Variants in SKA3 observed in about 807,000 individuals in gnomAD.
SKA3 encodes the protein spindle and kinetochore-associated protein 3.
A neutral mutation model predicts 44.2 loss-of-function variants in SKA3; 39 were observed. The ratio of observed to expected loss-of-function variants is 0.88; its 90% CI spans 0.68 to 1.15. SKA3 has a LOEUF of 1.15. Ranked by LOEUF, SKA3 falls within the 50% of genes most tolerant of loss-of-function variation. The probability of loss-of-function intolerance (pLI) is 0.00; values close to 1 mark genes in which losing one functional copy is unlikely to be tolerated. For synonymous variants in SKA3, 192 were observed against 172.0 expected (o/e 1.12, Z -0.91); for missense variants, 511 against 485.8 (o/e 1.05, Z -0.49).
chr13:21,159,792 A>G, intron 6 of SKA3, 110 bp downstream of exon 6: 1 of 608,994 alleles, frequency 1.6e-6, no homozygotes, highest in Non-Finnish European at 2.6e-6. Context: ...ATACATCCCT[A>G]AAAGCTGGAT....
chr13:21,158,202 A>C, intron 6 of SKA3, 77 bp from the exon 7 acceptor site: 2 of 878,238 alleles, frequency 2.3e-6, no homozygotes, highest in Non-Finnish European at 3.2e-6. Context: ...ATCATTTGTT[A>C]CTTCTATTGG....
intron 7 of SKA3, 140 bp from the exon 8 acceptor site, chr13:21,155,951 GC>G (rs1870097544): frequency 1.7e-6 from 1 of 579,544 alleles, no homozygotes; most frequent in African/African-American, 1.9e-5. Flanking sequence ...ACTTTGGGAG[GC>G]CAAGGCAGGT....
Position 21,171,314 on chromosome 13 carries a change from C to T in SKA3, c.331+1025G>A, listed in dbSNP as rs560667438. Among the ~76,000 whole-genome samples the T allele has an allele frequency of 7.2e-5, 11 of 152,238 alleles. No individual in the cohort carries two copies. In the East Asian group the frequency reaches 1.4e-3, roughly 19 times the overall value. ...ACACTGGGCCAGGCGCTGTGGCTCACGCCTGTAGTCCCAGCACTTTGGGAG... is the reference window on the plus strand; with the variant it reads ...ACACTGGGCCAGGCGCTGTGGCTCATGCCTGTAGTCCCAGCACTTTGGGAG... On this transcript the variant is annotated intron_variant, in intron 3 of 8. Transcript: ENST00000314759.
chr13:21,167,778 ACAAAAAAAAAAAC>A (rs1388224418), intron 4 of SKA3, among the ~76,000 whole-genome samples, 197 bp downstream of exon 4: 5 of 151,260 alleles, frequency 3.3e-5, no homozygotes, highest in African/African-American at 1.2e-4. Context: ...AAAAAAAAAA[ACAAAAAAAAAAAC>A]CAAAAAAAAA....
chr13:21,162,938 C>A (rs9552376), intron 4 of SKA3, among the ~76,000 whole-genome samples: 1 of 151,882 alleles, frequency 6.6e-6, no homozygotes, highest in African/African-American at 2.4e-5. Context: ...GCCTCAGCTA[C>A]GCAGCAGGCT....
intron 7 of SKA3, among the ~76,000 whole-genome samples, chr13:21,156,185 T>TAAAAAA (rs35208915): frequency 1.6e-5 from 2 of 128,878 alleles, no homozygotes; most frequent in Non-Finnish European, 1.6e-5. Flanking sequence ...AGACTTGGTC[T>TAAAAAA]AAAAAAAAAA....
chr13:21,161,019 G>C (rs1056035695), intron 5 of SKA3, among the ~76,000 whole-genome samples: 5 of 152,088 alleles, frequency 3.3e-5, no homozygotes, highest in Non-Finnish European at 7.3e-5. Context: ...GCTACGTGGG[G>C]GCTGAGGTGG....
chr13:21,160,462 T>C (rs960098124), intron 5 of SKA3, among the ~76,000 whole-genome samples: 2 of 152,070 alleles, frequency 1.3e-5, no homozygotes, highest in Non-Finnish European at 2.9e-5. Context: ...CATGCATATA[T>C]AGACAATTGC....
At chr13:21,164,993 C>T (rs1470132894) in intron 4 of SKA3, among the ~76,000 whole-genome samples, 4 of 151,952 alleles carry the variant, frequency 2.6e-5, no homozygotes, top group Admixed American at 6.6e-5. Flanking sequence ...TTGCAGTATA[C>T]GCTTTCACTG....
chr13:21,176,233 G>GC, intron 1 of SKA3, 142 bp downstream of exon 1: 1 of 647,622 alleles, frequency 1.5e-6, no homozygotes, highest in Non-Finnish European at 2.5e-6. Flanking sequence ...AGTGAGACGC[G>GC]CAGCACCCGC....
At chr13:21,164,180 A>C (rs1870588140) in intron 4 of SKA3, among the ~76,000 whole-genome samples, 1 of 152,212 alleles carries the variant, frequency 6.6e-6, no homozygotes, top group African/African-American at 2.4e-5. Context: ...ATATATATGC[A>C]CATATATTTA....
chr13:21,156,554 A>G (rs1445487179), intron 7 of SKA3, among the ~76,000 whole-genome samples: 1 of 152,250 alleles, frequency 6.6e-6, no homozygotes, highest in Non-Finnish European at 1.5e-5. Context: ...AGTGGAAACT[A>G]TATAATTTTC....
At chr13:21,171,484 G>A (rs1162419310) in intron 3 of SKA3, among the ~76,000 whole-genome samples, 1 of 151,952 alleles carries the variant, frequency 6.6e-6, no homozygotes, top group Non-Finnish European at 1.5e-5. Flanking sequence ...GGCTGAGGCA[G>A]GAGAATGGCT....
chr13:21,175,160 T>C (rs1871390692), intron 1 of SKA3, among the ~76,000 whole-genome samples: 1 of 151,314 alleles, frequency 6.6e-6, no homozygotes, highest in South Asian at 2.1e-4. Flanking sequence ...GTATTTTTAG[T>C]AGAGACGAGG....
chr13:21,171,007 G>A (rs968384806), intron 3 of SKA3, among the ~76,000 whole-genome samples: 1 of 152,076 alleles, frequency 6.6e-6, no homozygotes, highest in African/African-American at 2.4e-5. Context: ...GCTCACTGTG[G>A]CCTTGAACTC....
At position 21,157,960 on chromosome 13, in the gene SKA3, G is replaced by A; in HGVS notation, c.1081C>T (p.Pro361Ser). 1 of 1,612,464 alleles carries A rather than the reference G, an allele frequency of 6.2e-7. No homozygotes were observed. The highest frequency in any genetic ancestry group is 8.5e-7 in the Non-Finnish European group (1 of 1,178,998). Residue 361 changes from proline (P) to serine (S), a missense_variant, in exon 7 of 9, where the codon CCT (proline) becomes TCT (serine). Pro to Ser is a moderately conservative substitution (Grantham distance 74). Coordinates refer to ENST00000314759, the MANE Select transcript of SKA3 (RefSeq NM_145061.6). The stretch of plus-strand genomic sequence containing the variant: ...TCTGGAATTTTAGTTACTTCCGGAG[G>A]TGTAGGTGTTCTGAGCAGATTCTCA... Reference protein sequence around the residue: ...SYENLLRTPTPPEVTKIPEDI... With the variant: ...SYENLLRTPTSPEVTKIPEDI...
In SKA3 at chr13:21,158,064, T is replaced by C. The variant is rs769967583; in HGVS notation, c.977A>G (p.Asp326Gly). ...TGAATTTAAAACCAACGAAGTACGATCTTCAACTTCCAAATCATTTGATGA... is the reference window on the plus strand; with the variant it reads ...TGAATTTAAAACCAACGAAGTACGACCTTCAACTTCCAAATCATTTGATGA... ...NSSSNDLEVE[D>G]RTSLVLNSDT... Residue 326 changes from aspartate (D) to glycine (G), a missense_variant, in exon 7 of 9, where the codon GAT becomes GGT. Asp to Gly is a moderately conservative substitution (Grantham distance 94, BLOSUM62 -1). Coordinates refer to ENST00000314759, the MANE Select transcript of SKA3 (RefSeq NM_145061.6). The C allele has an allele frequency of 6.2e-7, 1 of 1,613,068 alleles. No homozygotes were observed. Among genetic ancestry groups the C allele is most frequent in the Non-Finnish European group, 8.5e-7 (1 of 1,179,106 alleles).
Position 21,153,765 on chromosome 13 carries a change from C to T in SKA3, c.*1385G>A, listed in dbSNP as rs1869932868. ...ACTCCAGGATTTGGTCCTTGGTACA[C>T]TTTGAATATATTCCCTCCCTAAGCA... is the stretch of plus-strand genomic sequence containing the variant. On this transcript the variant is annotated 3_prime_UTR_variant, in exon 9 of 9. Coordinates refer to ENST00000314759, the MANE Select transcript of SKA3 (RefSeq NM_145061.6). 1 of 152,288 alleles carries T rather than the reference C, an allele frequency of 6.6e-6. No individual in the cohort carries two copies. The highest frequency in any genetic ancestry group is 6.5e-5 in the Admixed American group (1 of 15,278). The allele number at this position is 152,288 out of a possible 1,614,324, so 9.4% of individuals were successfully genotyped here.
chr13:21,159,703 T>G (rs1565992216), intron 6 of SKA3, among the ~76,000 whole-genome samples, 199 bp downstream of exon 6: 1 of 152,144 alleles, frequency 6.6e-6, no homozygotes, highest in Non-Finnish European at 1.5e-5. Context: ...AATTCAGAGA[T>G]ATGGTTTAAA....
Sources: gnomAD v4.1 joint callset for allele counts (sites outside exome capture counted in the v4.1 genomes callset) on GRCh38, gnomAD v4.1.1 for gene constraint, MANE v1.5 for transcripts, NCBI Gene and HGNC (gene_info 2026-07-23, HGNC 2026-07-21) for gene names.